The following TXNL1 variants were observed in gnomAD, a reference collection of about 807,000 sequenced individuals.
TXNL1 encodes thioredoxin like 1.
A neutral mutation model predicts 35.5 loss-of-function variants in TXNL1; 14 were observed. That is an observed-to-expected ratio of 0.39 (90% CI 0.26 to 0.62). The LOEUF is 0.62. Among genes scored for constraint, TXNL1 ranks in the 20% least tolerant of loss-of-function variants. TXNL1 has a pLI of 0.47. For missense variants in TXNL1, 263 were observed against 349.7 expected, an observed-to-expected ratio of 0.75 and a Z score of 1.98; for synonymous variants, 110 against 115.5, an observed-to-expected ratio of 0.95 and a Z score of 0.31.
intron 1 of TXNL1, 39 bp downstream of exon 1, chr18:56,638,304 G>T: frequency 6.4e-7 from 1 of 1,571,108 alleles, no homozygotes; most frequent in South Asian, 1.1e-5. Flanking sequence ...AAGCAAGGAA[G>T]GACAGACGGG....
chr18:56,619,629 C>G (rs1288052743), intron 3 of TXNL1, among the ~76,000 whole-genome samples: 2 of 150,796 alleles, frequency 1.3e-5, no homozygotes, highest in African/African-American at 2.4e-5. Context: ...TTTCTCAATA[C>G]TTTGGATTTT....
chr18:56,632,074 A>G (rs1028466419), intron 1 of TXNL1, among the ~76,000 whole-genome samples: 19 of 152,296 alleles, frequency 1.2e-4, no homozygotes, highest in African/African-American at 4.3e-4. Context: ...AGAACAGGCA[A>G]TTCATAAATA....
At chr18:56,631,664 A>G (rs1431515181) in intron 1 of TXNL1, among the ~76,000 whole-genome samples, 7 of 152,204 alleles carry the variant, frequency 4.6e-5, no homozygotes, top group Admixed American at 6.5e-5. Flanking sequence ...CACGCCTGTA[A>G]TCCCAGCACT....
chr18:56,621,374 T>C (rs2024181022), intron 3 of TXNL1, among the ~76,000 whole-genome samples: 1 of 152,150 alleles, frequency 6.6e-6, no homozygotes, highest in South Asian at 2.1e-4. Context: ...TTTGTATTTT[T>C]GGTAGAGATG....
intron 1 of TXNL1, among the ~76,000 whole-genome samples, chr18:56,631,413 G>A (rs769215857): frequency 3.3e-5 from 5 of 151,866 alleles, no homozygotes; most frequent in Non-Finnish European, 5.9e-5. Flanking sequence ...CACAATCTAC[G>A]ATTTCTTATT....
At chr18:56,612,015 ATCTTTTTTTTTT>A (rs1173121772) in intron 6 of TXNL1, among the ~76,000 whole-genome samples, 4 of 105,478 alleles carry the variant, frequency 3.8e-5, no homozygotes, top group Non-Finnish European at 7.4e-5. Flanking sequence ...CGCCCGGCTA[ATCTTTTTTTTTT>A]TTTTTTTTTT....
chr18:56,638,510 G>A lies in TXNL1; in HGVS notation c.-70C>T, dbSNP rs372826557. 2 of 1,479,006 alleles carry A rather than the reference G, an allele frequency of 1.4e-6. No individual in the cohort carries two copies. The highest frequency in any genetic ancestry group is 2.8e-5 in the African/African-American group (2 of 72,220). 91.6% of individuals were successfully genotyped at this position (1,479,006 alleles called of 1,614,324 possible). ...GAAACTGAAGGAGAAGACGATCTGGGAGAGGAAGGAGAGATGCTCAGGAAG... is the reference window on the plus strand; with the variant it reads ...GAAACTGAAGGAGAAGACGATCTGGAAGAGGAAGGAGAGATGCTCAGGAAG... On this transcript the variant is annotated 5_prime_UTR_variant, in exon 1 of 8. Coordinates refer to ENST00000217515, the MANE Select transcript of TXNL1 (RefSeq NM_004786.3).
intron 3 of TXNL1, among the ~76,000 whole-genome samples, chr18:56,623,572 T>G (rs2024226786): frequency 6.6e-6 from 1 of 152,224 alleles, no homozygotes; most frequent in Non-Finnish European, 1.5e-5. Flanking sequence ...CCTATTTGTA[T>G]AAGCAAATCT....
Position 56,617,989 on chromosome 18 carries a change from T to G in TXNL1, c.492+15A>C. 1 of 1,613,600 alleles carries G rather than the reference T, an allele frequency of 6.2e-7. No homozygotes were observed. The highest frequency in any genetic ancestry group is 8.5e-7 in the Non-Finnish European group (1 of 1,179,696). ...AGTGATAATCTCCACAAGCTTATCTTCAGCCCTCAATTACCTGTTCATCAC... is the reference window on the plus strand; with the variant it reads ...AGTGATAATCTCCACAAGCTTATCTGCAGCCCTCAATTACCTGTTCATCAC... On this transcript the variant is annotated intron_variant, in intron 4 of 7. Coordinates refer to ENST00000217515, the MANE Select transcript of TXNL1 (RefSeq NM_004786.3).
Position 56,626,797 on chromosome 18 carries a change from C to CTTTTTTTTTTTTT in TXNL1, c.99-353_99-341dup, listed in dbSNP as rs386387792. On this transcript the variant is annotated intron_variant, in intron 1 of 7. Transcript: ENST00000217515. ...TACAGGCGTGAGCCACCAAGCCGGT[C>CTTTTTTTTTTTTT]TTTTTTTTTTTTTTTTTTTTTTTTG... Among the ~76,000 whole-genome samples the CTTTTTTTTTTTTT allele has an allele frequency of 1.3e-3, 74 of 55,010 alleles. 11 individuals are homozygous for CTTTTTTTTTTTTT. Among genetic ancestry groups the CTTTTTTTTTTTTT allele is most frequent in the African/African-American group, 4.4e-3 (64 of 14,702 alleles). 36.1% of individuals were successfully genotyped at this position (55,010 alleles called of 152,430 possible).
chr18:56,636,079 T>A (rs1009479141), intron 1 of TXNL1, among the ~76,000 whole-genome samples: 11 of 152,308 alleles, frequency 7.2e-5, no homozygotes, highest in African/African-American at 2.6e-4. Context: ...TTAATGCCAA[T>A]GAATTATACT....
chr18:56,613,939 G>A (rs1470541434), intron 6 of TXNL1, among the ~76,000 whole-genome samples: 3 of 151,824 alleles, frequency 2.0e-5, no homozygotes, highest in Non-Finnish European at 4.4e-5. Context: ...AGGCTGAGGC[G>A]GGAAGATTAT....
At chr18:56,634,037 G>T (rs538465663) in intron 1 of TXNL1, among the ~76,000 whole-genome samples, 3 of 151,226 alleles carry the variant, frequency 2.0e-5, no homozygotes, top group South Asian at 2.1e-4. Flanking sequence ...TGGTGGGGAG[G>T]GGGGAGACCA....
intron 6 of TXNL1, among the ~76,000 whole-genome samples, chr18:56,612,491 CTCCAT>C (rs1440018755): frequency 1.3e-5 from 2 of 151,930 alleles, no homozygotes; most frequent in Non-Finnish European, 2.9e-5. Context: ...TTGAAATTTG[CTCCAT>C]TTCTAAAAAC....
At chr18:56,612,111 C>T (rs2024006445) in intron 6 of TXNL1, among the ~76,000 whole-genome samples, 1 of 150,682 alleles carries the variant, frequency 6.6e-6, no homozygotes. Context: ...AGGCAATCCT[C>T]CTGCCTCAGC....
At chr18:56,618,210 T>C (rs1351816899) in intron 3 of TXNL1, 84 bp from the exon 4 acceptor site, 5 of 1,404,940 alleles carry the variant, frequency 3.6e-6, no homozygotes, top group African/African-American at 1.4e-5. Context: ...TGATTCTCTT[T>C]AGGCAATTTT....
At chr18:56,619,111 G>A (rs1050865209) in intron 3 of TXNL1, among the ~76,000 whole-genome samples, 13 of 151,314 alleles carry the variant, frequency 8.6e-5, no homozygotes, top group Admixed American at 6.6e-5. Context: ...CTAATTGGGA[G>A]GCTGAGCTGG....
rs1026266913 is a variant in TXNL1 at position 56,614,703 on chromosome 18, T to C, written c.563-107A>G. The C allele has an allele frequency of 2.1e-5, 18 of 852,308 alleles. No individual in the cohort carries two copies. In the African/African-American group the frequency reaches 2.6e-4, roughly 12 times the overall value. The allele number at this position is 852,308 out of a possible 1,614,324, so 52.8% of individuals were successfully genotyped here. A position where few individuals can be genotyped will look rare whatever the true frequency, so the allele number is the denominator to read the frequency against. The stretch of plus-strand genomic sequence containing the variant: ...ACAGACACACACAAATCAATACACA[T>C]ATACTTCAAATAACTCCATTATTAG... On this transcript the variant is annotated intron_variant, in intron 5 of 7. Transcript: ENST00000217515.
chr18:56,616,369 A>C, intron 4 of TXNL1, 55 bp from the exon 5 acceptor site: 1 of 1,438,412 alleles, frequency 7.0e-7, no homozygotes. Flanking sequence ...TTGAGTACAT[A>C]AACTACTGAA....
Sources: gnomAD v4.1 joint callset for allele counts (sites outside exome capture counted in the v4.1 genomes callset) on GRCh38, gnomAD v4.1.1 for gene constraint, MANE v1.5 for transcripts, NCBI Gene and HGNC (gene_info 2026-07-23, HGNC 2026-07-21) for gene names.